Variants in CDH18 observed in about 807,000 individuals in gnomAD.
CDH18 encodes the protein cadherin-18.
A neutral mutation model predicts 67.9 loss-of-function variants in CDH18; 31 were observed. The ratio of observed to expected loss-of-function variants is 0.46; its 90% confidence interval spans 0.34 to 0.62. The LOEUF is 0.62. Among genes scored for constraint, CDH18 ranks in the 20% least tolerant of loss-of-function variants. The pLI is 0.01. For synonymous variants in CDH18, 362 were observed against 347.2 expected (o/e 1.04, Z -0.48); for missense variants, 890 against 975.5 (o/e 0.91, Z 1.17).
At chr5:19,492,541 GA>G (rs1741635809) in intron 11 of CDH18, among the ~76,000 whole-genome samples, 2 of 151,840 alleles carry the variant, frequency 1.3e-5, no homozygotes, top group Non-Finnish European at 2.9e-5. Flanking sequence ...CTTAAAGTAA[GA>G]AAAAAACTAC....
chr5:20,527,689 C>G (rs1183406304), intron 1 of CDH18, among the ~76,000 whole-genome samples: 1 of 152,002 alleles, frequency 6.6e-6, no homozygotes, highest in Non-Finnish European at 1.5e-5. Context: ...GAAATAGAAT[C>G]CTTTTCACAC....
At chr5:19,698,985 C>T (rs1453453822) in intron 5 of CDH18, among the ~76,000 whole-genome samples, 1 of 152,080 alleles carries the variant, frequency 6.6e-6, no homozygotes, top group Non-Finnish European at 1.5e-5. Flanking sequence ...AATTGAGTCC[C>T]CATCCTTTAC....
At chr5:20,475,140 ATGAC>A (rs1752348945) in intron 1 of CDH18, among the ~76,000 whole-genome samples, 1 of 152,188 alleles carries the variant, frequency 6.6e-6, no homozygotes. Flanking sequence ...ATAATTCAGT[ATGAC>A]TGCACATTTT....
chr5:19,958,403 A>G (rs1434794644), intron 2 of CDH18, among the ~76,000 whole-genome samples: 5 of 144,478 alleles, frequency 3.5e-5, no homozygotes, highest in South Asian at 2.2e-4. Context: ...AAAAAAAAGG[A>G]GAAGCTAAAA....
intron 2 of CDH18, among the ~76,000 whole-genome samples, chr5:20,041,810 C>A (rs1341963791): frequency 6.6e-6 from 1 of 152,192 alleles, no homozygotes; most frequent in Admixed American, 6.5e-5. Flanking sequence ...CATTAAACAG[C>A]ATTTTACAGA....
intron 1 of CDH18, among the ~76,000 whole-genome samples, chr5:20,506,436 G>A (rs138676607): frequency 6.6e-6 from 1 of 152,340 alleles, no homozygotes; most frequent in African/African-American, 2.4e-5. Context: ...AGGAACGTAA[G>A]TGGCCTTTAG....
chr5:20,218,356 A>G (rs1043989757), intron 2 of CDH18, among the ~76,000 whole-genome samples: 1 of 152,028 alleles, frequency 6.6e-6, no homozygotes, highest in African/African-American at 2.4e-5. Flanking sequence ...GAATCAATAA[A>G]ATGAGGAATT....
At chr5:20,268,165 T>C (rs921803373) in intron 1 of CDH18, among the ~76,000 whole-genome samples, 1 of 152,234 alleles carries the variant, frequency 6.6e-6, no homozygotes. Flanking sequence ...CCATTGTGTA[T>C]ACGTACCATA....
intron 1 of CDH18, among the ~76,000 whole-genome samples, chr5:19,983,656 G>A (rs1470187735): frequency 6.6e-6 from 1 of 152,100 alleles, no homozygotes; most frequent in Non-Finnish European, 1.5e-5. Context: ...ATCCACAAAA[G>A]CAACATCTGA....
intron 1 of CDH18, among the ~76,000 whole-genome samples, chr5:20,269,757 A>C (rs6882835): frequency 0.024 from 3,586 of 152,222 alleles, 133 homozygotes; most frequent in African/African-American, 0.082. Flanking sequence ...AAGACAAATT[A>C]GTTAATGGGT....
intron 1 of CDH18, among the ~76,000 whole-genome samples, chr5:20,537,564 G>A (rs1371843037): frequency 6.6e-6 from 1 of 151,888 alleles, no homozygotes; most frequent in Non-Finnish European, 1.5e-5. Context: ...AAAGGTGAGG[G>A]CAATAGAAGA....
chr5:20,023,839 C>T (rs1738655703), intron 2 of CDH18, among the ~76,000 whole-genome samples: 1 of 152,176 alleles, frequency 6.6e-6, no homozygotes, highest in South Asian at 2.1e-4. Context: ...CACTCACTTG[C>T]TCCAGAATCA....
chr5:19,924,066 G>A (rs967430378), intron 2 of CDH18, among the ~76,000 whole-genome samples: 1 of 152,108 alleles, frequency 6.6e-6, no homozygotes, highest in African/African-American at 2.4e-5. Flanking sequence ...TTATTGCATG[G>A]AATATAACCC....
At chr5:20,496,483 CAT>C (rs1363674404) in intron 1 of CDH18, among the ~76,000 whole-genome samples, 2 of 151,958 alleles carry the variant, frequency 1.3e-5, no homozygotes, top group African/African-American at 4.8e-5. Context: ...ATATTTTACA[CAT>C]AGAATTGAAT....
intron 5 of CDH18, among the ~76,000 whole-genome samples, chr5:19,643,873 T>G (rs533349544): frequency 6.6e-6 from 1 of 152,326 alleles, no homozygotes; most frequent in African/African-American, 2.4e-5. Flanking sequence ...AACTTTCACA[T>G]GATGAATAAG....
intron 1 of CDH18, among the ~76,000 whole-genome samples, chr5:20,464,796 A>G (rs980472937): frequency 1.3e-5 from 2 of 152,160 alleles, no homozygotes; most frequent in African/African-American, 4.8e-5. Flanking sequence ...GAAGTTGGAG[A>G]CAATGCTATA....
chr5:20,067,978 C>T (rs1743128505), intron 2 of CDH18, among the ~76,000 whole-genome samples: 1 of 152,090 alleles, frequency 6.6e-6, no homozygotes, highest in African/African-American at 2.4e-5. Context: ...CCTATTGTGA[C>T]CCTAATAACA....
chr5:20,507,603 AAAG>A (rs1261520690), intron 1 of CDH18, among the ~76,000 whole-genome samples: 1 of 152,216 alleles, frequency 6.6e-6, no homozygotes, highest in Non-Finnish European at 1.5e-5. Flanking sequence ...CCTCAAAGTA[AAAG>A]AAGACAGGAA....
At chr5:19,905,520 G>A (rs969991450) in intron 2 of CDH18, among the ~76,000 whole-genome samples, 6 of 151,572 alleles carry the variant, frequency 4.0e-5, no homozygotes, top group East Asian at 3.8e-4. Context: ...ATATGTATAC[G>A]TATGATTAGT....
Sources: gnomAD v4.1 joint callset for allele counts (sites outside exome capture counted in the v4.1 genomes callset) on GRCh38, gnomAD v4.1.1 for gene constraint, MANE v1.5 for transcripts, NCBI Gene and HGNC (gene_info 2026-07-23, HGNC 2026-07-21) for gene names.